Variants in PPP1R13B observed in about 807,000 individuals in gnomAD.
The protein encoded by PPP1R13B is protein phosphatase 1 regulatory subunit 13B.
A neutral mutation model predicts 119.8 loss-of-function variants in PPP1R13B; 44 were observed. The ratio of observed to expected loss-of-function variants is 0.37; its 90% CI spans 0.29 to 0.47. PPP1R13B has a LOEUF of 0.47. Among genes scored for constraint, PPP1R13B ranks in the 20% least tolerant of loss-of-function variants. PPP1R13B has a pLI of 0.99. For missense variants in PPP1R13B, 1,227 were observed against 1,413.5 expected (o/e 0.87, Z 2.12); for synonymous variants, 542 against 561.5 (o/e 0.97, Z 0.49).
chr14:103,826,749 C>T (rs1369061391), intron 1 of PPP1R13B, among the ~76,000 whole-genome samples: 1 of 150,600 alleles, frequency 6.6e-6, no homozygotes, highest in Non-Finnish European at 1.5e-5. Context: ...TGGCTCATGC[C>T]TGTAATCCCA....
chr14:103,807,449 T>C (rs12886363), intron 1 of PPP1R13B, among the ~76,000 whole-genome samples: 58,173 of 152,146 alleles, frequency 0.38, 11,286 homozygotes, highest in Non-Finnish European at 0.41. Flanking sequence ...CCTGAAGCAG[T>C]GCCTGGCACG....
At chr14:103,846,706 C>A in intron 1 of PPP1R13B, 1 of 455,934 alleles carries the variant, frequency 2.2e-6, no homozygotes, top group Non-Finnish European at 4.4e-6. Context: ...GACAAAGACA[C>A]CACCACTACA....
At chr14:103,832,240 C>T (rs1011135474) in intron 1 of PPP1R13B, among the ~76,000 whole-genome samples, 1 of 152,032 alleles carries the variant, frequency 6.6e-6, no homozygotes, top group African/African-American at 2.4e-5. Flanking sequence ...TAACTACTAC[C>T]CTATGTGTAA....
intron 3 of PPP1R13B, among the ~76,000 whole-genome samples, chr14:103,782,001 T>C (rs1380638457): frequency 6.6e-6 from 1 of 152,114 alleles, no homozygotes; most frequent in Non-Finnish European, 1.5e-5. Context: ...AATTTCCTTA[T>C]TTTCTTTAAA....
In PPP1R13B at chr14:103,741,801, G is replaced by T; in HGVS notation, c.1811C>A (p.Ser604Ter). ...QPAAHSALNK[S>*]VKAVYGKPVL... is the part of the protein sequence containing the mutation. ...TAAACCCACTCTACCTGCTTTAACT[G>T]ACTTATTTAAGGCGCTGTGTGCTGC... The change falls in exon 11 of 17, where the codon TCA becomes TAA. Residue 604 changes from serine to a stop codon, truncating the protein, a stop_gained. Coordinates refer to ENST00000202556, the MANE Select transcript of PPP1R13B (RefSeq NM_015316.3). LOFTEE classifies it high-confidence loss of function. 1 of 1,613,766 alleles carries T rather than the reference G, an allele frequency of 6.2e-7. No individual in the cohort carries two copies. Among genetic ancestry groups the T allele is most frequent in the South Asian group, 1.1e-5 (1 of 91,020 alleles).
intron 1 of PPP1R13B, among the ~76,000 whole-genome samples, chr14:103,844,699 C>T (rs1022452674): frequency 6.6e-6 from 1 of 151,994 alleles, no homozygotes; most frequent in Non-Finnish European, 1.5e-5. Context: ...GCACTCCAGC[C>T]TGGGCAACAG....
In PPP1R13B at chr14:103,794,326, TTG is replaced by T. The variant is rs1402424279; in HGVS notation, c.157+3043_157+3044del. On this transcript the variant is annotated intron_variant, in intron 2 of 16. Transcript: ENST00000202556. ...AGTTATGGGGGCAGTAATTTGTTTT[TTG>T]TTTTTTTTTTTTTTTGAGATGAAGT... 3.2e-4 allele frequency among the ~76,000 whole-genome samples: 33 copies of T among 103,916 alleles called. 1 individual carries two copies. Among genetic ancestry groups the T allele is most frequent in the South Asian group, 2.9e-3 (11 of 3,814 alleles). The allele number at this position is 103,916 out of a possible 152,430, so 68.2% of individuals were successfully genotyped here.
intron 4 of PPP1R13B, among the ~76,000 whole-genome samples, chr14:103,770,792 GC>G (rs2085049535): frequency 6.6e-6 from 1 of 152,146 alleles, no homozygotes; most frequent in Admixed American, 6.6e-5. Flanking sequence ...GTTTTTAAAA[GC>G]ATCACTGAGT....
intron 8 of PPP1R13B, among the ~76,000 whole-genome samples, chr14:103,748,588 G>A (rs2084457322): frequency 6.6e-6 from 1 of 152,242 alleles, no homozygotes; most frequent in African/African-American, 2.4e-5. Context: ...CCTACCACGA[G>A]GGCAGAATGC....
intron 4 of PPP1R13B, among the ~76,000 whole-genome samples, chr14:103,768,262 C>G (rs981496705): frequency 6.7e-6 from 1 of 149,234 alleles, no homozygotes; most frequent in African/African-American, 2.5e-5. Context: ...ATTACAGGCA[C>G]CCATCACCAC....
intron 1 of PPP1R13B, among the ~76,000 whole-genome samples, chr14:103,836,776 G>GA (rs11394353): frequency 0.49 from 56,490 of 114,804 alleles, 11,656 homozygotes; most frequent in African/African-American, 0.55. Flanking sequence ...TCTCAGAAAA[G>GA]AAAAAAAAAA....
intron 1 of PPP1R13B, among the ~76,000 whole-genome samples, chr14:103,820,491 C>CTTTTT (rs748580102): frequency 7.0e-6 from 1 of 142,516 alleles, no homozygotes; most frequent in Non-Finnish European, 1.5e-5. Flanking sequence ...CACATTAGTC[C>CTTTTT]TTTTTTTTTT....
intron 1 of PPP1R13B, among the ~76,000 whole-genome samples, chr14:103,819,516 C>CAA (rs11390506): frequency 1.4e-5 from 2 of 137,980 alleles, no homozygotes; most frequent in Non-Finnish European, 3.2e-5. Context: ...AACAAACAAA[C>CAA]AAAAAAAAAC....
intron 12 of PPP1R13B, 37 bp from the exon 13 acceptor site, chr14:103,739,060 G>T: frequency 6.3e-7 from 1 of 1,588,692 alleles, no homozygotes. Context: ...GTTAAAGGTG[G>T]TCCACTGAAG....
intron 1 of PPP1R13B, among the ~76,000 whole-genome samples, chr14:103,834,388 G>C (rs2086727410): frequency 6.6e-6 from 1 of 151,806 alleles, no homozygotes. Context: ...AAACTAGTAA[G>C]TACTACAAAG....
intron 1 of PPP1R13B, among the ~76,000 whole-genome samples, chr14:103,823,663 CCTT>C (rs771167698): frequency 5.3e-5 from 8 of 152,212 alleles, no homozygotes; most frequent in Non-Finnish European, 8.8e-5. Context: ...TCTTCCTCCT[CCTT>C]GACTGCCACC....
At chr14:103,781,522 A>G (rs2085333829) in intron 3 of PPP1R13B, among the ~76,000 whole-genome samples, 2 of 152,230 alleles carry the variant, frequency 1.3e-5, no homozygotes, top group Admixed American at 1.3e-4. Flanking sequence ...AAAGGGGATA[A>G]CTTGCAATAA....
Position 103,738,893 on chromosome 14 carries a change from A to G in PPP1R13B, c.2723T>C (p.Ile908Thr). The G allele has an allele frequency of 6.2e-7, 1 of 1,613,776 alleles. No individual in the cohort carries two copies. The highest frequency in any genetic ancestry group is 1.1e-5 in the South Asian group (1 of 91,076). The change falls in exon 13 of 17, where the codon ATC becomes ACC. Residue 908 changes from isoleucine to threonine, a missense_variant. Physicochemically the swap from Ile to Thr is moderately conservative, Grantham distance 89. Transcript: ENST00000202556. The surrounding 1 kb of genome is among the most constrained non-coding windows in gnomAD (Gnocchi z 5.6). ...TCCCCGGCTGCAGCTCACCTCATAG[A>G]TGATCCTCTGCACCAGATCGAACTC... ...EGEFDLVQRI[I>T]YEVEDPSKPN...
intron 3 of PPP1R13B, among the ~76,000 whole-genome samples, chr14:103,783,422 G>A (rs1196864655): frequency 5.3e-5 from 8 of 151,110 alleles, no homozygotes; most frequent in Admixed American, 4.6e-4. Context: ...ACCACATCGG[G>A]CTAATTTTTA....
Sources: allele counts gnomAD v4.1 joint callset (sites outside exome capture counted in the v4.1 genomes callset), GRCh38; gene constraint gnomAD v4.1.1; non-coding constraint Gnocchi (gnomAD v3.1); transcripts MANE v1.5; gene names NCBI Gene and HGNC (gene_info 2026-07-23, HGNC 2026-07-21).